The following TAOK1 variants were observed in gnomAD, a reference collection of about 807,000 sequenced individuals.
The protein encoded by TAOK1 is TAO kinase 1.
TAOK1 carries 21 observed loss-of-function variants against 138.3 expected under a neutral mutation model. That is an observed-to-expected ratio of 0.15 (90% CI 0.11 to 0.22). The LOEUF (loss-of-function observed/expected upper bound fraction) is 0.22, where lower values mean the gene tolerates loss of function less well. TAOK1 is among the 10% of genes least tolerant of loss of function. The pLI, the probability that TAOK1 is intolerant of heterozygous loss-of-function variation, is 1.00. For synonymous variants in TAOK1, 361 were observed against 398.4 expected, an observed-to-expected ratio of 0.91 and a Z score of 1.12; for missense variants, 651 against 1,227.7, an observed-to-expected ratio of 0.53 and a Z score of 7.02.
chr17:29,417,800 C>T (rs961056584), intron 1 of TAOK1, among the ~76,000 whole-genome samples: 1 of 152,182 alleles, frequency 6.6e-6, no homozygotes, highest in Admixed American at 6.6e-5. Flanking sequence ...AACCCAGTTA[C>T]GGCTTTTAAA....
At chr17:29,413,182 TG>T (rs1905185766) in intron 1 of TAOK1, among the ~76,000 whole-genome samples, 1 of 152,196 alleles carries the variant, frequency 6.6e-6, no homozygotes, top group South Asian at 2.1e-4. Flanking sequence ...AGGTTCAATG[TG>T]GTCTGCCTTA....
rs956990343 is a variant in TAOK1, at chr17:29,482,185, G to A, written c.564-12G>A. 12 of 1,587,656 alleles carry A rather than the reference G, an allele frequency of 7.6e-6. No homozygotes were observed. The highest frequency in any genetic ancestry group is 6.7e-5 in the East Asian group (3 of 44,600). On this transcript the variant is annotated splice_polypyrimidine_tract_variant and intron_variant, in intron 7 of 19. Coordinates refer to ENST00000261716, the MANE Select transcript of TAOK1 (RefSeq NM_020791.4). ...AAAAAAATCTTTAATTTAAATTAACGTTTTGTTCTAGGATGGCCCCAGAAG... is the reference window on the plus strand; with the variant it reads ...AAAAAAATCTTTAATTTAAATTAACATTTTGTTCTAGGATGGCCCCAGAAG...
chr17:29,472,764 C>A (rs1457192107), intron 3 of TAOK1, among the ~76,000 whole-genome samples: 1 of 151,692 alleles, frequency 6.6e-6, no homozygotes, highest in Non-Finnish European at 1.5e-5. Flanking sequence ...TTAGTAGAGA[C>A]AGGGTTTCTC....
chr17:29,499,229 CTTTT>C (rs57906502), intron 12 of TAOK1, among the ~76,000 whole-genome samples: 1 of 123,176 alleles, frequency 8.1e-6, no homozygotes, highest in Non-Finnish European at 1.7e-5. Flanking sequence ...ATGTTTATAT[CTTTT>C]TTTTTTTTTT....
intron 18 of TAOK1, among the ~76,000 whole-genome samples, chr17:29,531,584 G>A (rs1200920531): frequency 3.9e-5 from 6 of 151,920 alleles, no homozygotes; most frequent in East Asian, 2.0e-4. Flanking sequence ...CCAACATGGC[G>A]AAACCTCGTC....
At chr17:29,397,627 T>TATGTATATTCATGTATG (rs1904664150) in intron 1 of TAOK1, among the ~76,000 whole-genome samples, 1 of 44,746 alleles carries the variant, frequency 2.2e-5, no homozygotes, top group African/African-American at 1.4e-4. Context: ...TATATATATA[T>TATGTATATTCATGTATG]ATACATGTAT....
At chr17:29,516,430 G>A (rs1332459166) in intron 15 of TAOK1, among the ~76,000 whole-genome samples, 2 of 151,472 alleles carry the variant, frequency 1.3e-5, no homozygotes, top group Admixed American at 1.3e-4. Context: ...TGCCTCCCAG[G>A]TTCAAGCAAC....
rs569497412 is a variant in TAOK1, at chr17:29,502,780, A to G, written c.1338+57A>G. 39 of 1,571,556 alleles carry G rather than the reference A, an allele frequency of 2.5e-5. No individual in the cohort carries two copies. In the East Asian group the frequency reaches 8.2e-4, roughly 33 times the overall value. On this transcript the variant is annotated intron_variant, in intron 13 of 19. Transcript: ENST00000261716. ...ATTTTTCATGTGGGACCTTGGCAAT[A>G]TAAACTCAAGTATAGCTATATATTG... is the stretch of plus-strand genomic sequence containing the variant.
In TAOK1 at chr17:29,502,694, C is replaced by T; in HGVS notation, c.1309C>T (p.His437Tyr). 1 of 1,613,916 alleles carries T rather than the reference C, an allele frequency of 6.2e-7. No homozygotes were observed. The highest frequency in any genetic ancestry group is 8.5e-7 in the Non-Finnish European group (1 of 1,179,984). The change falls in exon 13 of 20, where the codon CAC becomes TAC. Residue 437 changes from histidine (H) to tyrosine (Y), a missense_variant. This residue lies in a region of TAOK1 where 104 missense variants were observed against 151.7 expected (regional missense o/e 0.69). Transcript: ENST00000261716. ...RHKSHYRNREHFATIRTASLV... is the reference protein window; with the variant it reads ...RHKSHYRNREYFATIRTASLV... ...CAAATCACACTATCGTAATCGAGAA[C>T]ACTTTGCTACTATACGGACAGCATC...
intron 1 of TAOK1, among the ~76,000 whole-genome samples, chr17:29,418,947 T>TTTA (rs1555557975): frequency 6.0e-5 from 8 of 132,570 alleles, no homozygotes; most frequent in African/African-American, 8.3e-5. Flanking sequence ...TTTTTTTTTT[T>TTTA]ATGTATGTTT....
chr17:29,492,878 C>T (rs144718151), intron 10 of TAOK1, among the ~76,000 whole-genome samples: 1,656 of 152,254 alleles, frequency 0.011, 38 homozygotes, highest in African/African-American at 0.038. Context: ...CGGTGGCCCA[C>T]GCCTGTAACC....
At chr17:29,423,855 C>A (rs915479728) in intron 1 of TAOK1, among the ~76,000 whole-genome samples, 16 of 151,948 alleles carry the variant, frequency 1.1e-4, no homozygotes, top group Admixed American at 3.9e-4. Context: ...CGAGACCAGC[C>A]TGCCCAACAT....
chr17:29,434,092 C>T (rs1905947239), intron 1 of TAOK1, among the ~76,000 whole-genome samples: 1 of 152,146 alleles, frequency 6.6e-6, no homozygotes, highest in Non-Finnish European at 1.5e-5. Context: ...CTGAAAAATA[C>T]TGAGGCCTTT....
At chr17:29,494,116 A>G (rs532009131) in intron 10 of TAOK1, among the ~76,000 whole-genome samples, 16 of 152,176 alleles carry the variant, frequency 1.1e-4, no homozygotes, top group African/African-American at 3.4e-4. Context: ...ACTATTGGCT[A>G]GGCTGGTCTT....
chr17:29,447,605 T>G (rs935744053), intron 1 of TAOK1, among the ~76,000 whole-genome samples: 13 of 152,068 alleles, frequency 8.5e-5, no homozygotes, highest in African/African-American at 2.9e-4. Context: ...TCCGAAAGTG[T>G]TGGGATTACA....
At chr17:29,512,421 C>T (rs2031738800) in intron 15 of TAOK1, 2 of 149,468 alleles carry the variant, frequency 1.3e-5, no homozygotes, top group African/African-American at 5.0e-5. Context: ...ACTCTGTTGC[C>T]CAGGCTGGGG....
intron 8 of TAOK1, among the ~76,000 whole-genome samples, chr17:29,487,992 T>G (rs2031207638): frequency 6.6e-6 from 1 of 152,166 alleles, no homozygotes; most frequent in Non-Finnish European, 1.5e-5. Flanking sequence ...TAGCATTACC[T>G]CTGTGATACT....
chr17:29,425,984 C>T (rs1905626189), intron 1 of TAOK1, among the ~76,000 whole-genome samples: 1 of 152,122 alleles, frequency 6.6e-6, no homozygotes, highest in African/African-American at 2.4e-5. Context: ...GGGTTCACGC[C>T]ATTCTCCTGC....
At chr17:29,517,768 G>A (rs2031843810) in intron 16 of TAOK1, 112 bp downstream of exon 16, 6 of 926,180 alleles carry the variant, frequency 6.5e-6, no homozygotes, top group Middle Eastern at 2.3e-4. Flanking sequence ...GCCTCTGTCT[G>A]AATCATTCTT....
Sources: allele counts gnomAD v4.1 joint callset (sites outside exome capture counted in the v4.1 genomes callset), GRCh38; gene constraint gnomAD v4.1.1; regional missense constraint gnomAD v4.1.1; transcripts MANE v1.5; gene names NCBI Gene and HGNC (gene_info 2026-07-23, HGNC 2026-07-21).